NGEF: variants seen among roughly 807,000 people sequenced by gnomAD.
NGEF encodes the protein neuronal guanine nucleotide exchange factor.
In NGEF, 31 loss-of-function variants were observed where a neutral mutation model predicts 80.9. That is an observed-to-expected ratio of 0.38 (90% CI 0.29 to 0.52). NGEF has a LOEUF of 0.52. Ranked by LOEUF, NGEF falls within the 20% of genes least tolerant of loss-of-function variation. NGEF has a pLI of 0.84. For missense variants in NGEF, 709 were observed against 926.2 expected, an observed-to-expected ratio of 0.77 and a Z score of 3.04; for synonymous variants, 371 against 370.2, an observed-to-expected ratio of 1.00 and a Z score of -0.03.
At chr2:233,004,500 G>T (rs569470205) in intron 1 of NGEF, among the ~76,000 whole-genome samples, 2 of 152,206 alleles carry the variant, frequency 1.3e-5, no homozygotes, top group Non-Finnish European at 2.9e-5. Flanking sequence ...GCCCTCCAGG[G>T]TCCTCTTCCT....
chr2:232,906,153 G>T (rs1372948912), intron 5 of NGEF, among the ~76,000 whole-genome samples: 6 of 59,018 alleles, frequency 1.0e-4, no homozygotes, highest in African/African-American at 1.9e-4. Flanking sequence ...CACCCGCCCC[G>T]TCCGGGAGGG....
At chr2:232,896,814 A>G (rs573882512) in intron 5 of NGEF, among the ~76,000 whole-genome samples, 9 of 27,970 alleles carry the variant, frequency 3.2e-4, no homozygotes, top group African/African-American at 9.1e-4. Context: ...GGGTGAGGGT[A>G]GGGGTAAGGG....
At chr2:232,926,615 C>G (rs1357609154) in intron 4 of NGEF, among the ~76,000 whole-genome samples, 1 of 152,180 alleles carries the variant, frequency 6.6e-6, no homozygotes, top group Non-Finnish European at 1.5e-5. Context: ...CAGAACCCCC[C>G]TTCACACGCC....
At chr2:232,932,505 T>C (rs2106289627) in intron 3 of NGEF, among the ~76,000 whole-genome samples, 2 of 152,212 alleles carry the variant, frequency 1.3e-5, no homozygotes, top group Middle Eastern at 6.8e-3. Context: ...GATCTAGGCT[T>C]TTTTTCTAGC....
intron 3 of NGEF, among the ~76,000 whole-genome samples, chr2:232,964,990 C>T (rs1694027245): frequency 6.6e-6 from 1 of 152,232 alleles, no homozygotes; most frequent in African/African-American, 2.4e-5. Context: ...AAAAATTCAT[C>T]AAGCTACAGA....
rs1455444633 is a variant in NGEF, at chr2:232,989,645, T to A, written c.-74-14681A>T. Among the ~76,000 whole-genome samples the A allele has an allele frequency of 5.9e-5, 9 of 152,136 alleles. No homozygotes were observed. In the East Asian group the frequency reaches 1.5e-3, roughly 26 times the overall value. On this transcript the variant is annotated intron_variant, in intron 1 of 14. Coordinates refer to ENST00000264051, the MANE Select transcript of NGEF (RefSeq NM_019850.3). ...AGACCCCTGCTATGCAGCAGAGAAA[T>A]GAGTCTAGACAGAGAGAAGTTAGAG...
chr2:232,936,955 ATTTAT>A (rs949553037), intron 3 of NGEF, among the ~76,000 whole-genome samples: 2 of 150,854 alleles, frequency 1.3e-5, no homozygotes, highest in African/African-American at 4.9e-5. Context: ...CTCTAATCTG[ATTTAT>A]TTTATTTTAT....
intron 1 of NGEF, among the ~76,000 whole-genome samples, chr2:232,996,834 T>A (rs1191003869): frequency 4.6e-5 from 7 of 152,088 alleles, no homozygotes; most frequent in African/African-American, 9.7e-5. Flanking sequence ...TTTTTTAAAA[T>A]TTTAGCAGGA....
chr2:232,993,155 A>ATATATATATTTATT (rs1694693043), intron 1 of NGEF, among the ~76,000 whole-genome samples: 2 of 32,372 alleles, frequency 6.2e-5, no homozygotes, highest in African/African-American at 1.4e-4. Flanking sequence ...ATATGGGCAA[A>ATATATATATTTATT]TATATATATA....
chr2:232,950,107 C>G (rs536113680), intron 3 of NGEF, among the ~76,000 whole-genome samples: 1 of 152,322 alleles, frequency 6.6e-6, no homozygotes, highest in African/African-American at 2.4e-5. Context: ...CCACTGCACC[C>G]AGCCAGAAAT....
At chr2:232,899,305 C>T (rs1020459728) in intron 5 of NGEF, among the ~76,000 whole-genome samples, 1 of 152,102 alleles carries the variant, frequency 6.6e-6, no homozygotes, top group African/African-American at 2.4e-5. Context: ...AGCCTGGACC[C>T]GGCTGTCTGA....
At chr2:232,925,067 T>C (rs1248048846) in intron 4 of NGEF, among the ~76,000 whole-genome samples, 1 of 152,242 alleles carries the variant, frequency 6.6e-6, no homozygotes, top group Non-Finnish European at 1.5e-5. Context: ...TTTCCTATTT[T>C]ATATATTGTA....
At chr2:232,983,342 G>A (rs939224351) in intron 1 of NGEF, among the ~76,000 whole-genome samples, 4 of 152,218 alleles carry the variant, frequency 2.6e-5, no homozygotes, top group African/African-American at 7.2e-5. Flanking sequence ...GAGGGTCCCC[G>A]AGCGGTGAGG....
rs1052387210 is a variant in NGEF at position 232,883,358 on chromosome 2, C to G, written c.1710G>C (p.Glu570Asp). 4 of 1,612,704 alleles carry G rather than the reference C, an allele frequency of 2.5e-6. No homozygotes were observed. In the South Asian group the frequency reaches 4.4e-5, roughly 18 times the overall value. The change falls in exon 12 of 15, where the codon GAG becomes GAC. Residue 570 changes from glutamate (E) to aspartate (D), a missense_variant. Around this residue, in one of 2 missense-constraint regions of NGEF, gnomAD observed 426 missense variants for 622.9 expected, o/e 0.68. Coordinates refer to ENST00000264051, the MANE Select transcript of NGEF (RefSeq NM_019850.3). ...LANVFILRLL[E>D]NADDREATYM... ...AGGTGGCCTCCCGGTCATCTGCGTT[C>G]TCCAGCAGCCGCAGGATGAACACGT...
intron 3 of NGEF, among the ~76,000 whole-genome samples, chr2:232,933,653 G>T (rs1443717255): frequency 6.6e-6 from 1 of 152,230 alleles, no homozygotes; most frequent in Admixed American, 6.5e-5. Flanking sequence ...TTGTGAGCTT[G>T]GTGGTGGGCA....
intron 1 of NGEF, among the ~76,000 whole-genome samples, chr2:233,006,968 T>C (rs1227554579): frequency 1.3e-5 from 2 of 152,176 alleles, no homozygotes; most frequent in Non-Finnish European, 2.9e-5. Context: ...GGGCCAGGCA[T>C]GGTAGGTCAT....
intron 1 of NGEF, among the ~76,000 whole-genome samples, chr2:232,979,357 TACACAC>T (rs375393249): frequency 1.6e-4 from 18 of 110,384 alleles, no homozygotes; most frequent in Admixed American, 4.6e-4. Context: ...GAGATGATTT[TACACAC>T]ACACACACAC....
At chr2:232,897,479 G>C (rs1216878823) in intron 5 of NGEF, among the ~76,000 whole-genome samples, 1 of 152,114 alleles carries the variant, frequency 6.6e-6, no homozygotes, top group Admixed American at 6.5e-5. Context: ...CACCTCCCAG[G>C]TAGCGCAGGG....
intron 1 of NGEF, among the ~76,000 whole-genome samples, chr2:232,991,725 C>T (rs1251849020): frequency 6.6e-6 from 1 of 152,120 alleles, no homozygotes; most frequent in African/African-American, 2.4e-5. Flanking sequence ...GGCTTGTTTG[C>T]AGAACTTGAT....
Sources: gnomAD v4.1 joint callset for allele counts (sites outside exome capture counted in the v4.1 genomes callset) on GRCh38, gnomAD v4.1.1 for gene constraint, gnomAD v4.1.1 regional missense constraint, MANE v1.5 for transcripts, NCBI Gene and HGNC (gene_info 2026-07-23, HGNC 2026-07-21) for gene names.